The following GPC6 variants were observed in gnomAD, a reference collection of about 807,000 sequenced individuals.
GPC6 encodes glypican 6, also known as glypican-6.
Under a neutral mutation model 55.2 loss-of-function variants are expected in GPC6, and 14 were observed. That is an observed-to-expected ratio of 0.25 (90% CI 0.17 to 0.40). GPC6 has a LOEUF of 0.40. GPC6 is among the 10% of genes least tolerant of loss of function. The pLI is 1.00. For synonymous variants in GPC6, 278 were observed against 259.6 expected (o/e 1.07, Z -0.68); for missense variants, 641 against 708.5 (o/e 0.90, Z 1.08).
At chr13:93,765,957 GT>G (rs1370234417) in intron 2 of GPC6, among the ~76,000 whole-genome samples, 1 of 152,098 alleles carries the variant, frequency 6.6e-6, no homozygotes, top group Non-Finnish European at 1.5e-5. Flanking sequence ...TCCTATGTTA[GT>G]ACATTACGTC....
intron 2 of GPC6, among the ~76,000 whole-genome samples, chr13:93,607,831 A>C (rs1057457024): frequency 6.6e-6 from 1 of 152,072 alleles, no homozygotes; most frequent in Non-Finnish European, 1.5e-5. Context: ...CCCCTGCTAT[A>C]CACAATGGGA....
chr13:93,950,005 T>C (rs930491088), intron 3 of GPC6, among the ~76,000 whole-genome samples: 7 of 152,146 alleles, frequency 4.6e-5, no homozygotes, highest in African/African-American at 1.7e-4. Flanking sequence ...ACTACAGACA[T>C]GAGCCGCTGC....
chr13:93,571,281 C>T (rs1276819805), intron 2 of GPC6, among the ~76,000 whole-genome samples: 1 of 152,092 alleles, frequency 6.6e-6, no homozygotes, highest in Admixed American at 6.6e-5. Flanking sequence ...ATGCACACTA[C>T]TTAAGGCTGC....
intron 2 of GPC6, among the ~76,000 whole-genome samples, chr13:93,773,530 C>A (rs1345651704): frequency 6.6e-6 from 1 of 152,080 alleles, no homozygotes; most frequent in Non-Finnish European, 1.5e-5. Flanking sequence ...CCTCATCCTT[C>A]TGCCTCACTC....
At chr13:93,742,626 C>G (rs547341320) in intron 2 of GPC6, among the ~76,000 whole-genome samples, 2 of 152,264 alleles carry the variant, frequency 1.3e-5, no homozygotes, top group African/African-American at 4.8e-5. Flanking sequence ...AATGGAGAGG[C>G]TGACACCTCA....
chr13:93,814,996 A>G (rs1237645535), intron 2 of GPC6, among the ~76,000 whole-genome samples: 1 of 152,144 alleles, frequency 6.6e-6, no homozygotes, highest in Non-Finnish European at 1.5e-5. Context: ...CCAAAAAACA[A>G]AAGACTGCTG....
intron 2 of GPC6, among the ~76,000 whole-genome samples, chr13:93,590,151 T>G (rs1189993690): frequency 6.6e-6 from 1 of 152,216 alleles, no homozygotes; most frequent in Non-Finnish European, 1.5e-5. Flanking sequence ...TTATTTAGAT[T>G]TGCAATTATG....
chr13:93,413,157 A>C (rs1206005689), intron 1 of GPC6, among the ~76,000 whole-genome samples: 4 of 152,168 alleles, frequency 2.6e-5, no homozygotes, highest in African/African-American at 9.7e-5. Flanking sequence ...TTACATAGAA[A>C]ACCATTAGTG....
intron 2 of GPC6, among the ~76,000 whole-genome samples, chr13:93,550,147 G>T (rs1566418605): frequency 6.6e-6 from 1 of 151,992 alleles, no homozygotes; most frequent in Non-Finnish European, 1.5e-5. Context: ...CAATGAAGAT[G>T]TATTATTATT....
rs556928546 is a variant in GPC6 at position 93,562,242 on chromosome 13, C to A, written c.319+16821C>A. Reference sequence around the variant, plus strand: ...AGAATGCAGTAGTTACAGAGCCGGGCGTGGGCTTTGCTGCCTTGTAATTCG... The same window carrying A: ...AGAATGCAGTAGTTACAGAGCCGGGAGTGGGCTTTGCTGCCTTGTAATTCG... On this transcript the variant is annotated intron_variant, in intron 2 of 8. Coordinates refer to ENST00000377047, the MANE Select transcript of GPC6 (RefSeq NM_005708.5). Among the ~76,000 whole-genome samples, 5 of 152,114 alleles carry A rather than the reference C, an allele frequency of 3.3e-5. No individual in the cohort carries two copies. In the South Asian group the frequency reaches 1.0e-3, roughly 32 times the overall value.
chr13:93,999,528 A>G (rs1407122388), intron 3 of GPC6, among the ~76,000 whole-genome samples: 1 of 152,178 alleles, frequency 6.6e-6, no homozygotes, highest in Admixed American at 6.5e-5. Context: ...GATTTCATAC[A>G]TAAGTGAGAT....
rs113166964 is a variant in GPC6, at chr13:94,238,934, C to T, written c.878-47415C>T. Among the ~76,000 whole-genome samples, 160 of 152,236 alleles carry T rather than the reference C, an allele frequency of 1.1e-3. 2 individuals are homozygous for T. Among genetic ancestry groups the T allele is most frequent in the African/African-American group, 3.6e-3 (150 of 41,564 alleles). On this transcript the variant is annotated intron_variant, in intron 4 of 8. Coordinates refer to ENST00000377047, the MANE Select transcript of GPC6 (RefSeq NM_005708.5). ...AGCAAGGCTGGAAAGCAGAACACAA[C>T]TTAAAAGGTGGGAAAATGCCTTTTG... is the stretch of plus-strand genomic sequence containing the variant.
intron 3 of GPC6, among the ~76,000 whole-genome samples, chr13:93,971,557 G>A (rs1880283724): frequency 6.6e-6 from 1 of 152,184 alleles, no homozygotes; most frequent in Admixed American, 6.5e-5. Context: ...GGAACAAAAG[G>A]AAGCTCTCCC....
intron 1 of GPC6, among the ~76,000 whole-genome samples, chr13:93,295,702 C>T (rs1444484686): frequency 2.0e-5 from 3 of 151,554 alleles, no homozygotes; most frequent in East Asian, 1.9e-4. Flanking sequence ...AGGATGGTCT[C>T]GATCTCCTGA....
intron 4 of GPC6, among the ~76,000 whole-genome samples, chr13:94,276,384 G>T (rs1892203702): frequency 6.6e-6 from 1 of 152,120 alleles, no homozygotes; most frequent in Non-Finnish European, 1.5e-5. Context: ...AGCTGAAAGG[G>T]GAGAATCCTT....
chr13:94,306,799 T>C (rs1018837064), intron 6 of GPC6, among the ~76,000 whole-genome samples: 3 of 152,232 alleles, frequency 2.0e-5, no homozygotes, highest in Non-Finnish European at 2.9e-5. Flanking sequence ...GCTCATAATT[T>C]CAAAGAAATA....
At chr13:93,287,894 T>C (rs1878188956) in intron 1 of GPC6, among the ~76,000 whole-genome samples, 1 of 152,206 alleles carries the variant, frequency 6.6e-6, no homozygotes, top group Non-Finnish European at 1.5e-5. Flanking sequence ...TGAATTTTGG[T>C]CCAATATCCC....
At chr13:94,197,684 G>A (rs1889621542) in intron 4 of GPC6, among the ~76,000 whole-genome samples, 3 of 152,132 alleles carry the variant, frequency 2.0e-5, no homozygotes, top group South Asian at 2.1e-4. Context: ...GCTTCAACAT[G>A]TGCCTCTTTA....
intron 4 of GPC6, among the ~76,000 whole-genome samples, chr13:94,042,009 G>A (rs1883555042): frequency 6.6e-6 from 1 of 151,810 alleles, no homozygotes; most frequent in South Asian, 2.1e-4. Flanking sequence ...CAGTGTTGAA[G>A]GTGGGGCCTG....
Sources: allele counts gnomAD v4.1 joint callset (sites outside exome capture counted in the v4.1 genomes callset), GRCh38; gene constraint gnomAD v4.1.1; transcripts MANE v1.5; gene names NCBI Gene and HGNC (gene_info 2026-07-23, HGNC 2026-07-21).